The following EPB41L4A variants were observed in gnomAD, a reference collection of about 807,000 sequenced individuals.
EPB41L4A encodes the protein erythrocyte membrane protein band 4.1 like 4A.
A neutral mutation model predicts 108.6 loss-of-function variants in EPB41L4A; 100 were observed. That is an observed-to-expected ratio of 0.92 (90% CI 0.78 to 1.09). The LOEUF (loss-of-function observed/expected upper bound fraction) is 1.09, where lower values mean the gene tolerates loss of function less well. EPB41L4A is among the 50% of genes least tolerant of loss of function. The probability of loss-of-function intolerance (pLI) is 0.00; values close to 1 mark genes in which losing one functional copy is unlikely to be tolerated. For missense variants in EPB41L4A, 1,030 were observed against 842.7 expected (o/e 1.22, Z -2.75); for synonymous variants, 319 against 289.0 (o/e 1.10, Z -1.05).
rs113541842 is a variant in EPB41L4A, at chr5:112,338,978, C to T, written c.100-31488G>A. On this transcript the variant is annotated intron_variant, in intron 1 of 22. Coordinates refer to ENST00000261486, the MANE Select transcript of EPB41L4A (RefSeq NM_022140.5). The stretch of plus-strand genomic sequence containing the variant: ...ATCTCCAGACCATTTTGGCGCCTTA[C>T]CTAGCATGCAGTAGGCACTCAGAGA... 3.9e-5 allele frequency among the ~76,000 whole-genome samples: 6 copies of T among 152,170 alleles called. 1 individual carries two copies. The highest frequency in any genetic ancestry group is 1.2e-4 in the African/African-American group (5 of 41,498).
At chr5:112,328,939 C>A (rs1756371944) in intron 1 of EPB41L4A, among the ~76,000 whole-genome samples, 1 of 152,174 alleles carries the variant, frequency 6.6e-6, no homozygotes, top group Non-Finnish European at 1.5e-5. Flanking sequence ...CATAGTTTTT[C>A]CATTCTAAGA....
intron 1 of EPB41L4A, among the ~76,000 whole-genome samples, chr5:112,375,226 T>C (rs1759735149): frequency 6.6e-6 from 1 of 150,794 alleles, no homozygotes; most frequent in Non-Finnish European, 1.5e-5. Flanking sequence ...AACACCAGAG[T>C]CAACCCCTGG....
intron 1 of EPB41L4A, among the ~76,000 whole-genome samples, chr5:112,369,523 C>T (rs1759348622): frequency 6.6e-6 from 1 of 152,172 alleles, no homozygotes; most frequent in Non-Finnish European, 1.5e-5. Flanking sequence ...GTATTCTATT[C>T]TTGGTCTTCA....
At chr5:112,146,892 T>C (rs1325287242) in intron 12 of EPB41L4A, among the ~76,000 whole-genome samples, 4 of 152,224 alleles carry the variant, frequency 2.6e-5, no homozygotes, top group African/African-American at 9.6e-5. Context: ...AACAGGTCTT[T>C]TCTATTAATT....
At position 112,164,955 on chromosome 5, in the gene EPB41L4A, A is replaced by G. The variant is rs755098229; in HGVS notation, c.*35T>C. 138 of 1,555,358 alleles carry G rather than the reference A, an allele frequency of 8.9e-5. No homozygotes were observed. The highest frequency in any genetic ancestry group is 2.3e-4 in the Admixed American group (11 of 48,672). ...TTCAAAAGTACCAGTGGCGCACACA[A>G]CCTTCCCACCCCTACCCTTGACCCT... On this transcript the variant is annotated 3_prime_UTR_variant, in exon 23 of 23. Transcript: ENST00000261486.
At chr5:112,407,866 C>T (rs1488519910) in intron 1 of EPB41L4A, among the ~76,000 whole-genome samples, 5 of 152,200 alleles carry the variant, frequency 3.3e-5, no homozygotes, top group Admixed American at 1.3e-4. Flanking sequence ...AGCACCACCA[C>T]GTGCCTGGCA....
At position 112,183,532 on chromosome 5, in the gene EPB41L4A, G is replaced by A. The variant is rs148804671; in HGVS notation, c.1622+484C>T. 1.9e-4 allele frequency: 31 copies of A among 160,990 alleles called. 1 individual carries two copies. In the East Asian group the frequency reaches 4.3e-3, roughly 23 times the overall value. The allele number at this position is 160,990 out of a possible 1,614,324, so 10.0% of individuals were successfully genotyped here. ...CGGTGTAATTGTGCTCACACATGGC[G>A]TTGCCTAGCAACAGGAGGAGCACGC... On this transcript the variant is annotated intron_variant, in intron 18 of 22. Coordinates refer to ENST00000261486, the MANE Select transcript of EPB41L4A (RefSeq NM_022140.5).
chr5:112,407,948 A>C (rs1263437074), intron 1 of EPB41L4A, among the ~76,000 whole-genome samples: 2 of 152,216 alleles, frequency 1.3e-5, no homozygotes, highest in East Asian at 1.9e-4. Flanking sequence ...GTTTACAGGA[A>C]ATTTTTCTCA....
intron 1 of EPB41L4A, among the ~76,000 whole-genome samples, chr5:112,360,817 T>C (rs188679480): frequency 0.16 from 24,403 of 151,388 alleles, 2,150 homozygotes; most frequent in African/African-American, 0.21. Flanking sequence ...GCCCATCTTC[T>C]GGGATGTGGG....
rs142515337 is a variant in EPB41L4A, at chr5:112,412,826, T to C, written c.99+6115A>G. On this transcript the variant is annotated intron_variant, in intron 1 of 22. Coordinates refer to ENST00000261486, the MANE Select transcript of EPB41L4A (RefSeq NM_022140.5). The stretch of plus-strand genomic sequence containing the variant: ...TGCAGCCAGTTTGATCTCTGACTTG[T>C]CATGTTTACAACAGGCCTGCAGACA... 4.9e-3 allele frequency among the ~76,000 whole-genome samples: 752 copies of C among 152,356 alleles called. 2 individuals carry two copies. The highest frequency in any genetic ancestry group is 0.014 in the Middle Eastern group (4 of 294).
intron 1 of EPB41L4A, among the ~76,000 whole-genome samples, chr5:112,405,455 A>G (rs1020837589): frequency 4.6e-5 from 7 of 152,234 alleles, no homozygotes; most frequent in African/African-American, 1.7e-4. Flanking sequence ...AATTTGCCAC[A>G]TAGCAATAGA....
At chr5:112,313,578 G>A (rs1294149849) in intron 1 of EPB41L4A, among the ~76,000 whole-genome samples, 3 of 152,114 alleles carry the variant, frequency 2.0e-5, no homozygotes, top group Admixed American at 6.5e-5. Flanking sequence ...GCGACAGAGC[G>A]AGATTCCATC....
rs746557201 is a variant in EPB41L4A, at chr5:112,275,292, A to G, written c.335+34T>C. On this transcript the variant is annotated intron_variant, in intron 4 of 22. Transcript: ENST00000261486. ...ATAAAGCTTTTTGTATATGCAATGC[A>G]TGTATCTGTTCAAAAACAAAGTCAA... The G allele has an allele frequency of 3.9e-6, 6 of 1,520,872 alleles. No homozygotes were observed. In the African/African-American group the frequency reaches 8.3e-5, roughly 21 times the overall value. The allele number at this position is 1,520,872 out of a possible 1,614,324, so 94.2% of individuals were successfully genotyped here.
At chr5:112,211,306 A>C (rs1762729483) in intron 12 of EPB41L4A, among the ~76,000 whole-genome samples, 1 of 152,140 alleles carries the variant, frequency 6.6e-6, no homozygotes, top group Admixed American at 6.5e-5. Context: ...CAAGTGGGCC[A>C]GGCGCAGTGG....
chr5:112,405,129 T>C (rs1762004017), intron 1 of EPB41L4A, among the ~76,000 whole-genome samples: 1 of 152,242 alleles, frequency 6.6e-6, no homozygotes, highest in Non-Finnish European at 1.5e-5. Flanking sequence ...GCTTCCATCT[T>C]GAGCTCGCAT....
At chr5:112,385,267 C>T (rs1022363599) in intron 1 of EPB41L4A, among the ~76,000 whole-genome samples, 1 of 151,820 alleles carries the variant, frequency 6.6e-6, no homozygotes, top group East Asian at 1.9e-4. Flanking sequence ...ATTGGGGACC[C>T]GGAAAGAAAC....
intron 9 of EPB41L4A, among the ~76,000 whole-genome samples, chr5:112,252,931 G>C (rs1580534904): frequency 1.3e-5 from 2 of 152,042 alleles, no homozygotes; most frequent in African/African-American, 4.8e-5. Flanking sequence ...ATAAATAAAA[G>C]GGAGAGAAGG....
intron 2 of EPB41L4A, among the ~76,000 whole-genome samples, chr5:112,305,280 G>C (rs976792837): frequency 6.6e-6 from 1 of 152,106 alleles, no homozygotes; most frequent in Non-Finnish European, 1.5e-5. Context: ...AATATTTACA[G>C]TCGGTGGTGC....
intron 13 of EPB41L4A, among the ~76,000 whole-genome samples, chr5:112,207,283 A>C (rs998268228): frequency 1.3e-5 from 2 of 152,330 alleles, no homozygotes; most frequent in African/African-American, 4.8e-5. Flanking sequence ...CACTCAAGAT[A>C]GATTAAGAAC....
Sources: allele counts gnomAD v4.1 joint callset (sites outside exome capture counted in the v4.1 genomes callset), GRCh38; gene constraint gnomAD v4.1.1; transcripts MANE v1.5; gene names NCBI Gene and HGNC (gene_info 2026-07-23, HGNC 2026-07-21).